Variants in NEO1 observed in about 807,000 individuals in gnomAD.
The protein encoded by NEO1 is neogenin 1.
In NEO1, 63 loss-of-function variants were observed where a neutral mutation model predicts 159.7. The observed-to-expected ratio is 0.39, with a 90% CI of 0.32 to 0.49. The LOEUF (loss-of-function observed/expected upper bound fraction) is 0.49. NEO1 is among the 20% of genes least tolerant of loss of function. NEO1 has a pLI of 0.85. For synonymous variants in NEO1, 633 were observed against 662.0 expected, an observed-to-expected ratio of 0.96 and a Z score of 0.67; for missense variants, 1,615 against 1,831.0, an observed-to-expected ratio of 0.88 and a Z score of 2.15.
In NEO1 at chr15:73,304,115, C is replaced by G. The variant is rs935022593; in HGVS notation, c.*1419C>G. On this transcript the variant is annotated 3_prime_UTR_variant, in exon 29 of 29. Coordinates refer to ENST00000261908, the MANE Select transcript of NEO1 (RefSeq NM_002499.4). ...AGGGACAGCGGAAACAGCTGCCCAC[C>G]CCCCCCATCCCAGCAGCTCAGCTAA... 3 of 151,830 alleles carry G rather than the reference C, an allele frequency of 2.0e-5. No individual in the cohort carries two copies. Among genetic ancestry groups the G allele is most frequent in the African/African-American group, 4.8e-5 (2 of 41,350 alleles). The allele number at this position is 151,830 out of a possible 1,614,324, so 9.4% of individuals were successfully genotyped here.
intron 7 of NEO1, among the ~76,000 whole-genome samples, chr15:73,199,022 C>T (rs1173214629): frequency 6.8e-6 from 1 of 148,062 alleles, no homozygotes; most frequent in Non-Finnish European, 1.5e-5. Flanking sequence ...TTTTTCTGTT[C>T]CAGGATCCTA....
At chr15:73,138,552 C>T (rs1043517346) in intron 5 of NEO1, among the ~76,000 whole-genome samples, 2 of 151,772 alleles carry the variant, frequency 1.3e-5, no homozygotes, top group African/African-American at 2.4e-5. Flanking sequence ...GTCAGGAGAT[C>T]GAGATCATCC....
At chr15:73,101,467 A>G (rs1374619439) in intron 1 of NEO1, among the ~76,000 whole-genome samples, 3 of 152,034 alleles carry the variant, frequency 2.0e-5, no homozygotes, top group Admixed American at 1.3e-4. Flanking sequence ...TTCTGTTTGT[A>G]CTCTGATCTG....
In NEO1 at chr15:73,282,878, G is replaced by A. The variant is rs755391928; in HGVS notation, c.3263-86G>A. On this transcript the variant is annotated intron_variant, in intron 22 of 28. Transcript: ENST00000261908. ...CAATGAGTGTTATCAAGAAGTTCACGTGAGATATTAATGGTTCTGTAGCTT... is the reference window on the plus strand; with the variant it reads ...CAATGAGTGTTATCAAGAAGTTCACATGAGATATTAATGGTTCTGTAGCTT... 8.2e-6 allele frequency: 12 copies of A among 1,470,992 alleles called. No homozygotes were observed. In the Admixed American group the frequency reaches 8.3e-5, roughly 10 times the overall value. The allele number at this position is 1,470,992 out of a possible 1,614,324, so 91.1% of individuals were successfully genotyped here.
chr15:73,059,872 C>T (rs761530688), intron 1 of NEO1, among the ~76,000 whole-genome samples: 56 of 152,250 alleles, frequency 3.7e-4, no homozygotes, highest in Non-Finnish European at 7.1e-4. Flanking sequence ...GGTACAGCTA[C>T]TCCCATGTTT....
At chr15:73,218,492 G>C (rs2038036510) in intron 7 of NEO1, among the ~76,000 whole-genome samples, 1 of 152,118 alleles carries the variant, frequency 6.6e-6, no homozygotes, top group Non-Finnish European at 1.5e-5. Context: ...AATAGTTTCA[G>C]AAGGAATGGT....
At chr15:73,245,016 G>T (rs1346286875) in intron 9 of NEO1, among the ~76,000 whole-genome samples, 1 of 136,798 alleles carries the variant, frequency 7.3e-6, no homozygotes, top group African/African-American at 2.7e-5. Context: ...ATATACTTCT[G>T]TTGGTGCTTT....
intron 22 of NEO1, among the ~76,000 whole-genome samples, chr15:73,282,225 T>C (rs1348844363): frequency 1.3e-5 from 2 of 152,212 alleles, no homozygotes; most frequent in African/African-American, 4.8e-5. Flanking sequence ...ACCCAGACAC[T>C]CTGTATCATA....
At position 73,279,351 on chromosome 15, in the gene NEO1, G is replaced by GTTTTTTTTTTTTTTTTTTT. The variant is rs869029902; in HGVS notation, c.3262+1167_3262+1168insTTTTTTTTTTTTTTTTTTT. On this transcript the variant is annotated intron_variant, in intron 22 of 28. Transcript: ENST00000261908. Reference sequence around the variant, plus strand: ...ATGTTTTTTTGTTGTTTTGGTTTTGGTTTTTTTTTTTTTTTGAGATGGAAT... The same window carrying GTTTTTTTTTTTTTTTTTTT: ...ATGTTTTTTTGTTGTTTTGGTTTTGGTTTTTTTTTTTTTTTTTTTTTTTTTTTTTTTTTTGAGATGGAAT... Among the ~76,000 whole-genome samples the GTTTTTTTTTTTTTTTTTTT allele has an allele frequency of 1.4e-3, 164 of 119,304 alleles. 14 individuals carry two copies. Among genetic ancestry groups the GTTTTTTTTTTTTTTTTTTT allele is most frequent in the Middle Eastern group, 9.3e-3 (2 of 214 alleles). The allele number at this position is 119,304 out of a possible 152,430, so 78.3% of individuals were successfully genotyped here. A position where few individuals can be genotyped will look rare whatever the true frequency, so the allele number is the denominator to read the frequency against.
intron 5 of NEO1, among the ~76,000 whole-genome samples, chr15:73,175,168 T>C (rs1361395411): frequency 6.6e-6 from 1 of 152,210 alleles, no homozygotes; most frequent in Non-Finnish European, 1.5e-5. Flanking sequence ...CAAGCATGAT[T>C]GTCTATGTAG....
chr15:73,076,952 T>C (rs1469248852), intron 1 of NEO1, among the ~76,000 whole-genome samples: 1 of 152,206 alleles, frequency 6.6e-6, no homozygotes, highest in Non-Finnish European at 1.5e-5. Flanking sequence ...AACTGAGTTA[T>C]CAGAAAAAGT....
intron 5 of NEO1, among the ~76,000 whole-genome samples, chr15:73,147,278 C>T (rs1297478024): frequency 1.3e-5 from 2 of 152,182 alleles, no homozygotes; most frequent in African/African-American, 4.8e-5. Flanking sequence ...TTGTAAGACT[C>T]CTTCACTTGA....
At chr15:73,274,650 T>C (rs2151054299) in intron 20 of NEO1, 42 bp from the exon 21 acceptor site, 1 of 1,607,810 alleles carries the variant, frequency 6.2e-7, no homozygotes, top group Admixed American at 1.7e-5. Flanking sequence ...AAGCTTGTGA[T>C]CCTTGCTCTT....
chr15:73,061,037 G>T (rs1207844465), intron 1 of NEO1, among the ~76,000 whole-genome samples: 56 of 152,180 alleles, frequency 3.7e-4, no homozygotes, highest in Non-Finnish European at 1.3e-4. Flanking sequence ...GGGAATAAGA[G>T]AAATAATTTT....
At chr15:73,192,434 A>T (rs115839421) in intron 7 of NEO1, among the ~76,000 whole-genome samples, 2,046 of 152,074 alleles carry the variant, frequency 0.013, 45 homozygotes, top group African/African-American at 0.047. Flanking sequence ...CATAGTTTTG[A>T]GTTCTTGAAA....
intron 1 of NEO1, among the ~76,000 whole-genome samples, chr15:73,114,241 G>C (rs1376917617): frequency 6.6e-6 from 1 of 152,116 alleles, no homozygotes; most frequent in Non-Finnish European, 1.5e-5. Context: ...GAGCGGTGGG[G>C]AACTGACTGG....
intron 22 of NEO1, among the ~76,000 whole-genome samples, chr15:73,281,718 T>C (rs2041725761): frequency 6.6e-6 from 1 of 152,158 alleles, no homozygotes; most frequent in Non-Finnish European, 1.5e-5. Context: ...CTCTGATTGT[T>C]AGAAAATTAA....
At chr15:73,199,357 A>G (rs1218949791) in intron 7 of NEO1, among the ~76,000 whole-genome samples, 1 of 151,682 alleles carries the variant, frequency 6.6e-6, no homozygotes, top group East Asian at 1.9e-4. Context: ...AGATTTCTCC[A>G]CCATAAAGTT....
At position 73,203,943 on chromosome 15, in the gene NEO1, A is replaced by T. The variant is rs138256138; in HGVS notation, c.1291+25516A>T. On this transcript the variant is annotated intron_variant, in intron 7 of 28. Transcript: ENST00000261908. The stretch of plus-strand genomic sequence containing the variant: ...TCCAGCACTCTTTCTTTCTTTGTAA[A>T]TCCAAGTTTCTGACCTATATCATTT... 6.6e-5 allele frequency among the ~76,000 whole-genome samples: 10 copies of T among 152,144 alleles called. No homozygotes were observed. The East Asian group carries it at 1.9e-3, about 30-fold the overall frequency.
Sources: allele counts gnomAD v4.1 joint callset (sites outside exome capture counted in the v4.1 genomes callset), GRCh38; gene constraint gnomAD v4.1.1; transcripts MANE v1.5; gene names NCBI Gene and HGNC (gene_info 2026-07-23, HGNC 2026-07-21).